Variants in AUTS2 observed in about 807,000 individuals in gnomAD.
AUTS2 encodes autism susceptibility gene 2 protein.
AUTS2 carries 17 observed loss-of-function variants against 112.4 expected under a neutral mutation model. The ratio of observed to expected loss-of-function variants is 0.15; its 90% confidence interval spans 0.10 to 0.23. The LOEUF (loss-of-function observed/expected upper bound fraction) is 0.23, where lower values mean the gene tolerates loss of function less well. AUTS2 is among the 10% of genes least tolerant of loss of function. AUTS2 has a pLI of 1.00. For synonymous variants in AUTS2, 751 were observed against 702.7 expected (o/e 1.07, Z -1.09); for missense variants, 1,510 against 1,701.6 (o/e 0.89, Z 1.98).
chr7:70,112,762 A>G (rs1427994020), intron 2 of AUTS2, among the ~76,000 whole-genome samples: 2 of 152,070 alleles, frequency 1.3e-5, no homozygotes, highest in South Asian at 4.1e-4. Context: ...CTAATAAATA[A>G]TGGGACATCA....
At chr7:69,656,431 C>T (rs1795543004) in intron 1 of AUTS2, among the ~76,000 whole-genome samples, 2 of 152,200 alleles carry the variant, frequency 1.3e-5, no homozygotes, top group African/African-American at 4.8e-5. Flanking sequence ...TAATTTTGCT[C>T]ACATTTCAAA....
At chr7:70,152,696 T>G (rs1188657134) in intron 4 of AUTS2, among the ~76,000 whole-genome samples, 8 of 152,102 alleles carry the variant, frequency 5.3e-5, no homozygotes, top group Non-Finnish European at 1.2e-4. Context: ...GCAAAAGATT[T>G]GAACTGATGT....
intron 2 of AUTS2, among the ~76,000 whole-genome samples, chr7:70,004,804 A>C (rs978733365): frequency 6.7e-6 from 1 of 149,228 alleles, no homozygotes; most frequent in African/African-American, 2.5e-5. Flanking sequence ...CACATGAATT[A>C]ATGACTTTAT....
At chr7:70,456,247 T>C (rs532536191) in intron 5 of AUTS2, among the ~76,000 whole-genome samples, 1 of 152,330 alleles carries the variant, frequency 6.6e-6, no homozygotes, top group African/African-American at 2.4e-5. Context: ...GGCCAAATTG[T>C]TACTGCAATT....
chr7:70,232,623 C>T (rs1354640755), intron 4 of AUTS2, among the ~76,000 whole-genome samples: 1 of 152,160 alleles, frequency 6.6e-6, no homozygotes, highest in African/African-American at 2.4e-5. Flanking sequence ...AGGTGATCCG[C>T]TTGCCTCGGC....
At chr7:69,694,869 C>T (rs1239130259) in intron 1 of AUTS2, among the ~76,000 whole-genome samples, 1 of 152,108 alleles carries the variant, frequency 6.6e-6, no homozygotes, top group Non-Finnish European at 1.5e-5. Context: ...TGCAAAACGC[C>T]AAACGTCTTT....
At chr7:70,434,063 G>C (rs1413980542) in intron 4 of AUTS2, among the ~76,000 whole-genome samples, 1 of 152,138 alleles carries the variant, frequency 6.6e-6, no homozygotes, top group Non-Finnish European at 1.5e-5. Flanking sequence ...ATTTTTGCAA[G>C]ATGGCTGCTA....
intron 16 of AUTS2, 48 bp downstream of exon 16, chr7:70,785,067 C>T (rs779917368): frequency 6.3e-7 from 1 of 1,591,748 alleles, no homozygotes; most frequent in Admixed American, 1.7e-5. Flanking sequence ...TTCAGGCAAC[C>T]CTGCTGTGTT....
At chr7:70,194,308 G>A (rs1810058684) in intron 4 of AUTS2, among the ~76,000 whole-genome samples, 1 of 152,142 alleles carries the variant, frequency 6.6e-6, no homozygotes, top group South Asian at 2.1e-4. Context: ...TACTCAGGAG[G>A]CTGAGGCAAG....
At chr7:69,715,571 C>A (rs1798570089) in intron 1 of AUTS2, among the ~76,000 whole-genome samples, 1 of 152,104 alleles carries the variant, frequency 6.6e-6, no homozygotes. Context: ...CTGTTCCCAT[C>A]AGAAACTGCA....
intron 5 of AUTS2, among the ~76,000 whole-genome samples, chr7:70,461,928 T>C (rs1317082886): frequency 1.3e-5 from 2 of 152,130 alleles, no homozygotes; most frequent in East Asian, 3.9e-4. Flanking sequence ...AAAGAGTTGA[T>C]TTGAGAAAGT....
chr7:70,464,359 CA>C (rs1797091445), intron 5 of AUTS2, among the ~76,000 whole-genome samples: 1 of 152,198 alleles, frequency 6.6e-6, no homozygotes, highest in African/African-American at 2.4e-5. Context: ...AACGTACAAT[CA>C]AGTACAAGAA....
At chr7:70,623,243 C>T (rs1266241387) in intron 5 of AUTS2, among the ~76,000 whole-genome samples, 1 of 152,188 alleles carries the variant, frequency 6.6e-6, no homozygotes, top group East Asian at 1.9e-4. Flanking sequence ...ATTTAGCAGA[C>T]CAGTTTATTC....
chr7:70,543,818 A>G (rs569154299), intron 5 of AUTS2, among the ~76,000 whole-genome samples: 24 of 152,348 alleles, frequency 1.6e-4, no homozygotes, highest in Non-Finnish European at 7.3e-5. Context: ...GGAGTGCTGT[A>G]GTAGGCCAGT....
At chr7:70,260,784 C>G (rs1476202324) in intron 4 of AUTS2, among the ~76,000 whole-genome samples, 8 of 151,684 alleles carry the variant, frequency 5.3e-5, no homozygotes, top group Non-Finnish European at 2.9e-5. Context: ...GAGTCTCACT[C>G]TGTCGCCCTG....
At position 70,513,666 on chromosome 7, in the gene AUTS2, C is replaced by CTT. The variant is rs35815016; in HGVS notation, c.690+77900_690+77901dup. On this transcript the variant is annotated intron_variant, in intron 5 of 18. Transcript: ENST00000342771. ...TAGAAATCATCTACTTTTCTGTTTC[C>CTT]TTTTTTTTTTTTTTTTGAGATGGAG... Among the ~76,000 whole-genome samples, 56 of 140,396 alleles carry CTT rather than the reference C, an allele frequency of 4.0e-4. 3 individuals carry two copies. Among genetic ancestry groups the CTT allele is most frequent in the African/African-American group, 5.0e-4 (19 of 38,248 alleles). The allele number at this position is 140,396 out of a possible 152,430, so 92.1% of individuals were successfully genotyped here.
intron 2 of AUTS2, among the ~76,000 whole-genome samples, chr7:70,106,960 T>A (rs1007954028): frequency 6.6e-6 from 1 of 152,176 alleles, no homozygotes; most frequent in Non-Finnish European, 1.5e-5. Flanking sequence ...TTTAAATGCT[T>A]CATATTATCC....
At chr7:69,991,656 G>A (rs1047896434) in intron 2 of AUTS2, among the ~76,000 whole-genome samples, 2 of 152,166 alleles carry the variant, frequency 1.3e-5, no homozygotes, top group African/African-American at 4.8e-5. Flanking sequence ...TAGATAAGTT[G>A]AAATATGGAG....
chr7:70,463,857 T>A (rs1264291284), intron 5 of AUTS2, among the ~76,000 whole-genome samples: 2 of 152,250 alleles, frequency 1.3e-5, no homozygotes, highest in African/African-American at 4.8e-5. Context: ...AGTAGTTTGC[T>A]CTGTTTAATT....
Sources: gnomAD v4.1 joint callset for allele counts (sites outside exome capture counted in the v4.1 genomes callset) on GRCh38, gnomAD v4.1.1 for gene constraint, MANE v1.5 for transcripts, NCBI Gene and HGNC (gene_info 2026-07-23, HGNC 2026-07-21) for gene names.